GGCX: variants seen among roughly 807,000 people sequenced by gnomAD.
The protein encoded by GGCX is vitamin K-dependent gamma-carboxylase.
In GGCX, 63 loss-of-function variants were observed where a neutral mutation model predicts 88.5. The ratio of observed to expected loss-of-function variants is 0.71; its 90% CI spans 0.58 to 0.88. GGCX has a LOEUF of 0.88. Ranked by LOEUF, GGCX falls within the 40% of genes least tolerant of loss-of-function variation. GGCX has a pLI of 0.00. For synonymous variants in GGCX, 368 were observed against 365.8 expected (o/e 1.01, Z -0.07); for missense variants, 805 against 932.9 (o/e 0.86, Z 1.79).
Position 85,545,611 on chromosome 2 carries a change from A to T in GGCX, c.*4323T>A, listed in dbSNP as rs569081895. 1 of 152,208 alleles carries T rather than the reference A, an allele frequency of 6.6e-6. No homozygotes were observed. Among genetic ancestry groups the T allele is most frequent in the African/African-American group, 2.4e-5 (1 of 41,440 alleles). 9.4% of individuals were successfully genotyped at this position (152,208 alleles called of 1,614,324 possible). A position where few individuals can be genotyped will look rare whatever the true frequency, so the allele number is the denominator to read the frequency against. On this transcript the variant is annotated 3_prime_UTR_variant, in exon 15 of 15. Coordinates refer to ENST00000233838, the MANE Select transcript of GGCX (RefSeq NM_000821.7). ...AGCCTAAGCAAGATTTAGTCCTCCTAGTCCACTTAAGCCAAAATTCATGTG... is the reference window on the plus strand; with the variant it reads ...AGCCTAAGCAAGATTTAGTCCTCCTTGTCCACTTAAGCCAAAATTCATGTG...
At chr2:85,550,803 C>G in intron 13 of GGCX, 53 bp from the exon 14 acceptor site, 1 of 1,588,390 alleles carries the variant, frequency 6.3e-7, no homozygotes. Flanking sequence ...ACTCTCTCCC[C>G]TTAGAACTCC....
Position 85,549,782 on chromosome 2 carries a change from G to A in GGCX, c.*152C>T, listed in dbSNP as rs1020331305. The A allele has an allele frequency of 7.7e-6, 5 of 650,080 alleles. No homozygotes were observed. Among genetic ancestry groups the A allele is most frequent in the East Asian group, 2.7e-5 (1 of 36,584 alleles). The allele number at this position is 650,080 out of a possible 1,614,324, so 40.3% of individuals were successfully genotyped here. On this transcript the variant is annotated 3_prime_UTR_variant, in exon 15 of 15. Coordinates refer to ENST00000233838, the MANE Select transcript of GGCX (RefSeq NM_000821.7). ...TGCTTTATTTCCTTGGTTCCTCTAA[G>A]TTGTAATCTCGGAGTTAAAAACAGC...
At chr2:85,555,363 G>A (rs777941754) in intron 6 of GGCX, 121 bp downstream of exon 6, 6 of 687,364 alleles carry the variant, frequency 8.7e-6, no homozygotes, top group Non-Finnish European at 1.6e-5. Context: ...GGAAATGAGT[G>A]GACAAAGGAA....
At chr2:85,556,098 C>T (rs1192814276) in intron 5 of GGCX, 84 bp downstream of exon 5, 12 of 841,922 alleles carry the variant, frequency 1.4e-5, no homozygotes, top group South Asian at 6.7e-5. Flanking sequence ...AGGGAGGCAG[C>T]GGAGAGTGTA....
rs1313171433 is a variant in GGCX at position 85,558,416 on chromosome 2, C to T, written c.539+24G>A. On this transcript the variant is annotated intron_variant, in intron 4 of 14. Transcript: ENST00000233838. ...ACCATCCTGACCCAGCCAACCCCTCCCCTTTGTCCCCCCTGACTCATACCA... is the reference window on the plus strand; with the variant it reads ...ACCATCCTGACCCAGCCAACCCCTCTCCTTTGTCCCCCCTGACTCATACCA... 3 of 1,606,164 alleles carry T rather than the reference C, an allele frequency of 1.9e-6. No individual in the cohort carries two copies. In the African/African-American group the frequency reaches 4.0e-5, roughly 21 times the overall value.
chr2:85,553,463 A>AG lies in GGCX; in HGVS notation c.923dup (p.Leu309SerfsTer6). On this transcript the variant is annotated frameshift_variant, in exon 8 of 15. Coordinates refer to ENST00000233838, the MANE Select transcript of GGCX (RefSeq NM_000821.7). LOFTEE classifies it high-confidence loss of function. ...GAGGCCACTCAGGGGAGCAGAAGAG[A>AG]GGGCTGCTGGCCAGCATGACGTAGG... 1 of 1,613,880 alleles carries AG rather than the reference A, an allele frequency of 6.2e-7. No homozygotes were observed. Among genetic ancestry groups the AG allele is most frequent in the Non-Finnish European group, 8.5e-7 (1 of 1,179,964 alleles).
At position 85,554,235 on chromosome 2, in the gene GGCX, G is replaced by C. The variant is rs749454099; in HGVS notation, c.797C>G (p.Ala266Gly). The C allele has an allele frequency of 1.9e-6, 3 of 1,613,412 alleles. No individual in the cohort carries two copies. Among genetic ancestry groups the C allele is most frequent in the Non-Finnish European group, 2.5e-6 (3 of 1,179,312 alleles). ...GACATCAAAAAAGAGCAGGAAACCA[G>C]CTGAGAGGTCAAGCAGCAGCCCACC... ...HWGGLLLDLSAGFLLFFDVSR... is the reference protein window; with the variant it reads ...HWGGLLLDLSGGFLLFFDVSR... Residue 266 changes from alanine (A) to glycine (G), a missense_variant, in exon 7 of 15, where the codon GCT becomes GGT. Physicochemically the swap from Ala to Gly is moderately conservative, Grantham distance 60. Coordinates refer to ENST00000233838, the MANE Select transcript of GGCX (RefSeq NM_000821.7).
chr2:85,546,485 T>A lies in GGCX; in HGVS notation c.*3449A>T, dbSNP rs1296504252. 1 of 148,834 alleles carries A rather than the reference T, an allele frequency of 6.7e-6. No homozygotes were observed. The highest frequency in any genetic ancestry group is 2.5e-5 in the African/African-American group (1 of 40,328). The allele number at this position is 148,834 out of a possible 1,614,324, so 9.2% of individuals were successfully genotyped here. On this transcript the variant is annotated 3_prime_UTR_variant, in exon 15 of 15. Coordinates refer to ENST00000233838, the MANE Select transcript of GGCX (RefSeq NM_000821.7). ...TAATCCCAGCACTTTGGGAGGCTAA[T>A]GCGGGTGGATCACCTGAGGTCACGG... is the stretch of plus-strand genomic sequence containing the variant.
chr2:85,552,379 G>A, intron 10 of GGCX, 37 bp downstream of exon 10: 3 of 1,593,992 alleles, frequency 1.9e-6, no homozygotes, highest in Non-Finnish European at 2.6e-6. Flanking sequence ...AAAGAACTGT[G>A]CTTCATTTTT....
chr2:85,557,383 A>T (rs972060115), intron 4 of GGCX, among the ~76,000 whole-genome samples: 1 of 152,148 alleles, frequency 6.6e-6, no homozygotes, highest in Admixed American at 6.6e-5. Flanking sequence ...GCTACTCAGG[A>T]GGCTGAGATG....
chr2:85,558,783 A>T (rs747356325), intron 3 of GGCX, 134 bp downstream of exon 3: 1 of 899,938 alleles, frequency 1.1e-6, no homozygotes, highest in Non-Finnish European at 1.8e-6. Flanking sequence ...AGCTTAAGTG[A>T]CACACAGGTC....
chr2:85,547,002 TC>T lies in GGCX; in HGVS notation c.*2931del, dbSNP rs1225509575. Reference sequence around the variant, plus strand: ...CAGTATTTGCTAAGTAAACAAAGATTCCCCAACCTTGAGGGAGCTTGTGGAC... The same window carrying T: ...CAGTATTTGCTAAGTAAACAAAGATTCCCAACCTTGAGGGAGCTTGTGGAC... On this transcript the variant is annotated 3_prime_UTR_variant, in exon 15 of 15. Transcript: ENST00000233838. The T allele has an allele frequency of 1.3e-5, 2 of 152,176 alleles. No homozygotes were observed. The highest frequency in any genetic ancestry group is 4.8e-5 in the African/African-American group (2 of 41,426). The allele number at this position is 152,176 out of a possible 1,614,324, so 9.4% of individuals were successfully genotyped here.
Position 85,560,944 on chromosome 2 carries a change from T to G in GGCX, c.85A>C (p.Arg29=), listed in dbSNP as rs1462854245. 6.2e-7 allele frequency: 1 copy of G among 1,613,928 alleles called. No individual in the cohort carries two copies. Among genetic ancestry groups the G allele is most frequent in the Non-Finnish European group, 8.5e-7 (1 of 1,179,886 alleles). Residue 29 remains arginine, a synonymous_variant, in exon 2 of 15, where the codon AGG becomes CGG. Coordinates refer to ENST00000233838, the MANE Select transcript of GGCX (RefSeq NM_000821.7). ...KDKAELISGP[R]QDSRIGKLLG... Reference sequence around the variant, plus strand: ...AGTTTCCCTATTCGGCTGTCCTGCCTGGGCCCTGAGATCAGTTCAGCCTTG... The same window carrying G: ...AGTTTCCCTATTCGGCTGTCCTGCCGGGGCCCTGAGATCAGTTCAGCCTTG...
rs1471923373 is a variant in GGCX at position 85,550,078 on chromosome 2, A to AG, written c.2132dup (p.Ser712PhefsTer18). 6.2e-7 allele frequency: 1 copy of AG among 1,613,698 alleles called. No individual in the cohort carries two copies. Among genetic ancestry groups the AG allele is most frequent in the Non-Finnish European group, 8.5e-7 (1 of 1,179,584 alleles). On this transcript the variant is annotated frameshift_variant, in exon 15 of 15. Coordinates refer to ENST00000233838, the MANE Select transcript of GGCX (RefSeq NM_000821.7). LOFTEE classifies it high-confidence loss of function. ...CCTCCTGGGCCAGCTGCTCCAGGGA[A>AG]GGACGGCCTAATATCAGATTTCGAA... is the stretch of plus-strand genomic sequence containing the variant.
intron 2 of GGCX, among the ~76,000 whole-genome samples, 170 bp from the exon 3 acceptor site, chr2:85,559,245 T>C (rs1692333723): frequency 6.6e-6 from 1 of 152,224 alleles, no homozygotes; most frequent in African/African-American, 2.4e-5. Context: ...CAGTACTACA[T>C]CTGTTGTGCC....
At chr2:85,554,985 GGAA>G (rs1424622873) in intron 6 of GGCX, 1 of 165,870 alleles carries the variant, frequency 6.0e-6, no homozygotes, top group Non-Finnish European at 1.3e-5. Flanking sequence ...AAAATAACAG[GGAA>G]GAAGAAAGAG....
chr2:85,556,357 A>C, intron 4 of GGCX, 97 bp from the exon 5 acceptor site: 1 of 784,564 alleles, frequency 1.3e-6, no homozygotes, highest in Non-Finnish European at 2.3e-6. Context: ...TATCCTGGGC[A>C]CATCTCCCAT....
At chr2:85,552,307 A>T in intron 10 of GGCX, 109 bp downstream of exon 10, 1 of 1,097,828 alleles carries the variant, frequency 9.1e-7, no homozygotes, top group South Asian at 1.3e-5. Context: ...GACATGCACT[A>T]GAGGAAGGAC....
chr2:85,559,779 T>C (rs75566086), intron 2 of GGCX, among the ~76,000 whole-genome samples: 4,313 of 152,242 alleles, frequency 0.028, 220 homozygotes, highest in African/African-American at 0.098. Flanking sequence ...TTCTGCTTCC[T>C]GGCACACTCC....
Sources: allele counts gnomAD v4.1 joint callset (sites outside exome capture counted in the v4.1 genomes callset), GRCh38; gene constraint gnomAD v4.1.1; transcripts MANE v1.5; gene names NCBI Gene and HGNC (gene_info 2026-07-23, HGNC 2026-07-21).